The following HERC2 variants were observed in gnomAD, a reference collection of about 807,000 sequenced individuals.
The protein encoded by HERC2 is HECT and RLD domain containing E3 ubiquitin protein ligase 2, also known as E3 ubiquitin-protein ligase HERC2.
Under a neutral mutation model 537.7 loss-of-function variants are expected in HERC2, and 102 were observed. The ratio of observed to expected loss-of-function variants is 0.19; its 90% CI spans 0.16 to 0.22. HERC2 has a LOEUF of 0.22. Among genes scored for constraint, HERC2 ranks in the 10% least tolerant of loss-of-function variants. The probability of loss-of-function intolerance (pLI) is 1.00; values close to 1 mark genes in which losing one functional copy is unlikely to be tolerated. For synonymous variants in HERC2, 2,224 were observed against 2,466.2 expected (o/e 0.90, Z 2.91); for missense variants, 4,236 against 6,198.2 (o/e 0.68, Z 10.63).
chr15:28,139,543 G>A (rs1446845509), intron 78 of HERC2, among the ~76,000 whole-genome samples: 1 of 152,178 alleles, frequency 6.6e-6, no homozygotes, highest in Non-Finnish European at 1.5e-5. Flanking sequence ...GAGCTATGCT[G>A]CATCCAGAGT....
chr15:28,263,960 G>A (rs1465337613), intron 14 of HERC2, among the ~76,000 whole-genome samples: 7 of 149,670 alleles, frequency 4.7e-5, no homozygotes, highest in South Asian at 2.1e-4. Flanking sequence ...TGGAGTTTGC[G>A]GCGAGCCGAG....
intron 80 of HERC2, 121 bp from the exon 81 acceptor site, chr15:28,132,382 G>A (rs1398782703): frequency 2.0e-6 from 2 of 979,816 alleles, no homozygotes; most frequent in East Asian, 2.9e-5. Context: ...TTTACAAAGA[G>A]GTGATTTCTA....
intron 16 of HERC2, among the ~76,000 whole-genome samples, chr15:28,259,181 G>A (rs571904932): frequency 3.3e-5 from 5 of 152,168 alleles, no homozygotes; most frequent in African/African-American, 1.2e-4. Flanking sequence ...TGCAATTTCT[G>A]CCTCCCAGAT....
chr15:28,212,036 A>G (rs558645142), intron 43 of HERC2, among the ~76,000 whole-genome samples: 96 of 152,290 alleles, frequency 6.3e-4, no homozygotes, highest in African/African-American at 2.3e-3. Flanking sequence ...GCCATCCTGA[A>G]TGTCACAGGC....
chr15:28,132,575 C>T (rs1477272705), intron 80 of HERC2, 78 bp downstream of exon 80: 31 of 1,282,528 alleles, frequency 2.4e-5, no homozygotes, highest in South Asian at 9.6e-5. Context: ...TTCATAACAA[C>T]GGTGGCAAAC....
At chr15:28,236,369 C>A (rs535973292) in intron 26 of HERC2, among the ~76,000 whole-genome samples, 48 of 152,222 alleles carry the variant, frequency 3.2e-4, no homozygotes, top group African/African-American at 1.1e-3. Context: ...CGGCTCACTG[C>A]AACCTCCGTC....
At chr15:28,175,876 A>G (rs1895238800) in intron 63 of HERC2, among the ~76,000 whole-genome samples, 1 of 152,234 alleles carries the variant, frequency 6.6e-6, no homozygotes, top group South Asian at 2.1e-4. Context: ...ATATTTTATG[A>G]TATTTAAGTT....
At chr15:28,246,721 C>T (rs1567065636) in intron 22 of HERC2, 21 bp downstream of exon 22, 2 of 1,540,976 alleles carry the variant, frequency 1.3e-6, no homozygotes, top group Non-Finnish European at 1.7e-6. Flanking sequence ...AACATGTACA[C>T]AAGCAGGAAA....
chr15:28,218,874 A>G (rs1900216927), intron 37 of HERC2, among the ~76,000 whole-genome samples: 1 of 152,064 alleles, frequency 6.6e-6, no homozygotes, highest in African/African-American at 2.4e-5. Context: ...CTGTCTCCCA[A>G]GCTAGAGTGC....
chr15:28,251,622 G>A (rs1331127390), intron 20 of HERC2, among the ~76,000 whole-genome samples: 2 of 152,060 alleles, frequency 1.3e-5, no homozygotes, highest in African/African-American at 2.4e-5. Flanking sequence ...CCAACATGGT[G>A]AAACCCTGTC....
In HERC2 at chr15:28,265,019, A is replaced by C. The variant is rs1483743285; in HGVS notation, c.1870+599T>G. Among the ~76,000 whole-genome samples the C allele has an allele frequency of 6.6e-6, 1 of 152,166 alleles. No individual in the cohort carries two copies. The highest frequency in any genetic ancestry group is 1.9e-4 in the East Asian group (1 of 5,192). On this transcript the variant is annotated intron_variant, in intron 14 of 92. Transcript: ENST00000261609. This position sits in a 1 kb window ranked among gnomAD's most constrained non-coding sequence, Gnocchi z 4.0. Reference sequence around the variant, plus strand: ...CAATCTGCCATTCAACTTCTGCAGGAGAGAAAGCAAGCTGACAGGTACCCC... The same window carrying C: ...CAATCTGCCATTCAACTTCTGCAGGCGAGAAAGCAAGCTGACAGGTACCCC...
chr15:28,269,137 TG>T, intron 11 of HERC2, 110 bp downstream of exon 11: 1 of 769,484 alleles, frequency 1.3e-6, no homozygotes, highest in Non-Finnish European at 2.1e-6. Context: ...AACAGAACTT[TG>T]TCAATCTTCA....
chr15:28,275,782 C>CA (rs1171607490), intron 5 of HERC2, among the ~76,000 whole-genome samples: 1 of 150,036 alleles, frequency 6.7e-6, no homozygotes, highest in Non-Finnish European at 1.5e-5. Flanking sequence ...GACTCCATCT[C>CA]AAAAAAAATA....
At chr15:28,151,769 T>TAA (rs113713636) in intron 70 of HERC2, among the ~76,000 whole-genome samples, 9 of 145,636 alleles carry the variant, frequency 6.2e-5, no homozygotes, top group South Asian at 2.1e-4. Context: ...ATAATAACAT[T>TAA]AAAAAAAAAA....
chr15:28,293,179 C>A (rs1200982431), intron 3 of HERC2, among the ~76,000 whole-genome samples, 157 bp from the exon 4 acceptor site: 5 of 152,026 alleles, frequency 3.3e-5, no homozygotes, highest in Non-Finnish European at 7.4e-5. Flanking sequence ...TGTAACAGAC[C>A]CAGTATAATT....
intron 5 of HERC2, among the ~76,000 whole-genome samples, chr15:28,278,305 C>T (rs1040675635): frequency 6.6e-6 from 1 of 152,006 alleles, no homozygotes; most frequent in African/African-American, 2.4e-5. Context: ...ATCACTTGAG[C>T]CCAGGAGGTC....
chr15:28,307,666 T>C (rs1210078237), intron 2 of HERC2, among the ~76,000 whole-genome samples: 1 of 152,244 alleles, frequency 6.6e-6, no homozygotes, highest in Non-Finnish European at 1.5e-5. Flanking sequence ...AAATTCCTCG[T>C]TATCAATTTT....
At chr15:28,123,619 C>A (rs1889160491) in intron 85 of HERC2, among the ~76,000 whole-genome samples, 2 of 152,220 alleles carry the variant, frequency 1.3e-5, no homozygotes, top group Admixed American at 1.3e-4. Context: ...TCTGTGACTC[C>A]TGGCCCCCTC....
intron 78 of HERC2, among the ~76,000 whole-genome samples, chr15:28,138,059 T>C (rs1268746405): frequency 6.6e-6 from 1 of 152,232 alleles, no homozygotes; most frequent in African/African-American, 2.4e-5. Context: ...GCTTGCTAAC[T>C]GTCTTCAATT....
Sources: allele counts gnomAD v4.1 joint callset (sites outside exome capture counted in the v4.1 genomes callset), GRCh38; gene constraint gnomAD v4.1.1; non-coding constraint Gnocchi (gnomAD v3.1); transcripts MANE v1.5; gene names NCBI Gene and HGNC (gene_info 2026-07-23, HGNC 2026-07-21).